The following KPNA5 variants were observed in gnomAD, a reference collection of about 807,000 sequenced individuals.
The protein encoded by KPNA5 is importin subunit alpha-6.
Under a neutral mutation model 71.3 loss-of-function variants are expected in KPNA5, and 46 were observed. That is an observed-to-expected ratio of 0.65 (90% confidence interval 0.51 to 0.83). The LOEUF (loss-of-function observed/expected upper bound fraction) is 0.83, where lower values mean the gene tolerates loss of function less well. Ranked by LOEUF, KPNA5 falls within the 40% of genes least tolerant of loss-of-function variation. The pLI is 0.00. For missense variants in KPNA5, 547 were observed against 628.3 expected, an observed-to-expected ratio of 0.87 and a Z score of 1.38; for synonymous variants, 207 against 201.4, an observed-to-expected ratio of 1.03 and a Z score of -0.24.
At chr6:116,704,126 C>T (rs1342354190) in intron 6 of KPNA5, among the ~76,000 whole-genome samples, 2 of 152,072 alleles carry the variant, frequency 1.3e-5, no homozygotes, top group Non-Finnish European at 2.9e-5. Context: ...CAACCACCAC[C>T]TCCTGGGTTT....
chr6:116,710,890 T>TAG (rs1778641259), intron 7 of KPNA5, among the ~76,000 whole-genome samples: 4 of 70,986 alleles, frequency 5.6e-5, no homozygotes, highest in Admixed American at 3.0e-4. Context: ...TATATATATA[T>TAG]ATATTTTTTT....
intron 5 of KPNA5, 38 bp from the exon 6 acceptor site, chr6:116,701,981 T>C: frequency 6.3e-7 from 1 of 1,589,830 alleles, no homozygotes. Context: ...GACAATTCTT[T>C]GGTTCTTTCA....
At chr6:116,709,975 G>A (rs572725246) in intron 7 of KPNA5, among the ~76,000 whole-genome samples, 82 of 152,140 alleles carry the variant, frequency 5.4e-4, no homozygotes, top group African/African-American at 1.9e-3. Flanking sequence ...TGGCCAGGAT[G>A]GTCTCCATCT....
chr6:116,684,221 C>T (rs1001523669), intron 1 of KPNA5, among the ~76,000 whole-genome samples: 2 of 151,998 alleles, frequency 1.3e-5, no homozygotes, highest in African/African-American at 4.8e-5. Flanking sequence ...CCATATTGAG[C>T]AGTTTCTAAT....
intron 6 of KPNA5, among the ~76,000 whole-genome samples, 194 bp downstream of exon 6, chr6:116,702,344 A>G (rs1778261866): frequency 6.6e-6 from 1 of 152,200 alleles, no homozygotes; most frequent in Admixed American, 6.5e-5. Flanking sequence ...GTTCTCTGTG[A>G]GTGTGATCAC....
At chr6:116,714,043 C>T (rs1353046022) in intron 7 of KPNA5, among the ~76,000 whole-genome samples, 1 of 152,104 alleles carries the variant, frequency 6.6e-6, no homozygotes, top group East Asian at 1.9e-4. Context: ...TGTGATTTCT[C>T]AGGGAAAATT....
chr6:116,719,901 GAGCT>G (rs1179249162), intron 8 of KPNA5, among the ~76,000 whole-genome samples: 1 of 152,086 alleles, frequency 6.6e-6, no homozygotes, highest in African/African-American at 2.4e-5. Context: ...TATTGGGAAA[GAGCT>G]AGAGGTTTTC....
intron 12 of KPNA5, among the ~76,000 whole-genome samples, chr6:116,727,005 G>T (rs1174316754): frequency 6.6e-6 from 1 of 152,010 alleles, no homozygotes; most frequent in Non-Finnish European, 1.5e-5. Context: ...AATAGACATT[G>T]TTTATATGGT....
intron 10 of KPNA5, 47 bp from the exon 11 acceptor site, chr6:116,725,704 G>C: frequency 6.8e-7 from 1 of 1,479,536 alleles, no homozygotes. Context: ...TTTTCATATA[G>C]GTTATTTACT....
In KPNA5 at chr6:116,705,043, G is replaced by T. The variant is rs752597589; in HGVS notation, c.568-29G>T. 3 of 1,517,496 alleles carry T rather than the reference G, an allele frequency of 2.0e-6. No homozygotes were observed. The South Asian group carries it at 3.5e-5, about 18-fold the overall frequency. 94.0% of individuals were successfully genotyped at this position (1,517,496 alleles called of 1,614,324 possible). A position where few individuals can be genotyped will look rare whatever the true frequency, so the allele number is the denominator to read the frequency against. The stretch of plus-strand genomic sequence containing the variant: ...AGGAAAGCCTCTAATTTAAAATATT[G>T]TCTTAAGATAATTTTTTTTTTTCCT... On this transcript the variant is annotated intron_variant, in intron 6 of 13. Transcript: ENST00000368564.
intron 7 of KPNA5, among the ~76,000 whole-genome samples, chr6:116,710,229 G>T (rs1778606579): frequency 6.6e-6 from 1 of 152,106 alleles, no homozygotes; most frequent in Non-Finnish European, 1.5e-5. Flanking sequence ...TGTGGTCATA[G>T]TATAAGCTGC....
chr6:116,682,187 G>A (rs1777387959), intron 1 of KPNA5, among the ~76,000 whole-genome samples: 1 of 152,096 alleles, frequency 6.6e-6, no homozygotes, highest in Admixed American at 6.6e-5. Context: ...AAATTAGCCT[G>A]GCATGGTGGT....
chr6:116,737,046 G>A lies in KPNA5; in HGVS notation c.*4723G>A, dbSNP rs1779695110. 1 of 151,494 alleles carries A rather than the reference G, an allele frequency of 6.6e-6. No individual in the cohort carries two copies. The highest frequency in any genetic ancestry group is 2.4e-5 in the African/African-American group (1 of 41,268). 9.4% of individuals were successfully genotyped at this position (151,494 alleles called of 1,614,324 possible). A position where few individuals can be genotyped will look rare whatever the true frequency, so the allele number is the denominator to read the frequency against. On this transcript the variant is annotated 3_prime_UTR_variant, in exon 14 of 14. Transcript: ENST00000368564. ...TTCTGTTTATTGATTTTTTTATTAT[G>A]AGTTGTATTTTTCATTTGCATGCGT...
chr6:116,692,450 A>G, intron 4 of KPNA5, 58 bp downstream of exon 4: 2 of 1,080,366 alleles, frequency 1.9e-6, no homozygotes, highest in Non-Finnish European at 2.7e-6. Context: ...GTAGAGGTTT[A>G]TTTTATTGTT....
At chr6:116,713,796 C>G (rs915215975) in intron 7 of KPNA5, among the ~76,000 whole-genome samples, 1 of 151,998 alleles carries the variant, frequency 6.6e-6, no homozygotes, top group Non-Finnish European at 1.5e-5. Context: ...TCTTTCTTCT[C>G]CCTGCTCAAT....
At chr6:116,686,901 G>T (rs1359677901) in intron 1 of KPNA5, among the ~76,000 whole-genome samples, 3 of 152,074 alleles carry the variant, frequency 2.0e-5, no homozygotes, top group African/African-American at 7.2e-5. Flanking sequence ...GTCTGTTTTT[G>T]TACCAGTACC....
chr6:116,713,742 C>T (rs1201725895), intron 7 of KPNA5, among the ~76,000 whole-genome samples: 1 of 152,040 alleles, frequency 6.6e-6, no homozygotes, highest in Non-Finnish European at 1.5e-5. Context: ...CTTTCTGCTT[C>T]TCAGTTTGAA....
intron 7 of KPNA5, among the ~76,000 whole-genome samples, chr6:116,709,788 C>T (rs946314046): frequency 1.0e-4 from 15 of 149,492 alleles, no homozygotes; most frequent in East Asian, 5.9e-4. Context: ...TTTTTCGAGA[C>T]GGAGTCATGC....
chr6:116,719,642 T>G (rs1779031362), intron 8 of KPNA5, among the ~76,000 whole-genome samples: 1 of 151,774 alleles, frequency 6.6e-6, no homozygotes, highest in Non-Finnish European at 1.5e-5. Context: ...AGCCCAGGGG[T>G]TCGAGGCCAG....
Sources: gnomAD v4.1 joint callset for allele counts (sites outside exome capture counted in the v4.1 genomes callset) on GRCh38, gnomAD v4.1.1 for gene constraint, MANE v1.5 for transcripts, NCBI Gene and HGNC (gene_info 2026-07-23, HGNC 2026-07-21) for gene names.